Variants in ATE1 observed in about 807,000 individuals in gnomAD.
The protein encoded by ATE1 is arginyl-tRNA--protein transferase 1.
ATE1 carries 36 observed loss-of-function variants against 70.5 expected under a neutral mutation model. The ratio of observed to expected loss-of-function variants is 0.51; its 90% CI spans 0.39 to 0.67. ATE1 has a LOEUF of 0.67. Ranked by LOEUF, ATE1 falls within the 30% of genes least tolerant of loss-of-function variation. The pLI is 0.00. For missense variants in ATE1, 593 were observed against 629.5 expected, an observed-to-expected ratio of 0.94 and a Z score of 0.62; for synonymous variants, 232 against 219.3, an observed-to-expected ratio of 1.06 and a Z score of -0.51.
At chr10:121,845,827 T>C (rs1210594519) in intron 8 of ATE1, among the ~76,000 whole-genome samples, 1 of 152,204 alleles carries the variant, frequency 6.6e-6, no homozygotes, top group Non-Finnish European at 1.5e-5. Flanking sequence ...AACTCATGTT[T>C]AGCTTAGTAT....
chr10:121,850,529 A>T (rs1949014299), intron 8 of ATE1, among the ~76,000 whole-genome samples: 2 of 152,216 alleles, frequency 1.3e-5, no homozygotes, highest in Non-Finnish European at 2.9e-5. Flanking sequence ...AAAGGTAATC[A>T]TGTCTTGGTA....
chr10:121,890,835 C>A lies in ATE1; in HGVS notation c.942+9031G>T, dbSNP rs533306071. ...ACTGTATTATAAACGAGACAGGTCA[C>A]AAATTACTCCAATTTATATCACATT... On this transcript the variant is annotated intron_variant, in intron 7 of 11. Transcript: ENST00000224652. Among the ~76,000 whole-genome samples, 7 of 152,236 alleles carry A rather than the reference C, an allele frequency of 4.6e-5. No individual in the cohort carries two copies. In the South Asian group the frequency reaches 6.2e-4, roughly 14 times the overall value.
At chr10:121,870,792 T>C (rs1180435815) in intron 7 of ATE1, among the ~76,000 whole-genome samples, 1 of 152,218 alleles carries the variant, frequency 6.6e-6, no homozygotes, top group Non-Finnish European at 1.5e-5. Flanking sequence ...AGTATACCTC[T>C]GAAATGAGGA....
chr10:121,780,043 G>A (rs1394922991), intron 11 of ATE1, among the ~76,000 whole-genome samples: 3 of 152,138 alleles, frequency 2.0e-5, no homozygotes, highest in Non-Finnish European at 4.4e-5. Context: ...CACTCCAGAA[G>A]GCAATCTCAC....
rs898700319 is a variant in ATE1 at position 121,802,663 on chromosome 10, CT to C, written c.1258-12375del. ...AACTGCCTACTCTTACTTTACCAAG[CT>C]TTCCTTCGACTCTGCTTCACCTCAC... On this transcript the variant is annotated intron_variant, in intron 10 of 11. Coordinates refer to ENST00000224652, the MANE Select transcript of ATE1 (RefSeq NM_001001976.3). Among the ~76,000 whole-genome samples, 121 of 152,268 alleles carry C rather than the reference CT, an allele frequency of 7.9e-4. 1 individual carries two copies. Among genetic ancestry groups the C allele is most frequent in the African/African-American group, 2.8e-3 (116 of 41,562 alleles).
chr10:121,759,068 T>G (rs75662236), intron 11 of ATE1, among the ~76,000 whole-genome samples: 2,102 of 152,190 alleles, frequency 0.014, 45 homozygotes, highest in African/African-American at 0.048. Flanking sequence ...AGGCTAGAAA[T>G]GATTAAACAT....
rs1486994250 is a variant in ATE1 at position 121,742,336 on chromosome 10, A to G, written c.*1344T>C. 2 of 152,248 alleles carry G rather than the reference A, an allele frequency of 1.3e-5. No individual in the cohort carries two copies. Among genetic ancestry groups the G allele is most frequent in the Non-Finnish European group, 2.9e-5 (2 of 68,036 alleles). The allele number at this position is 152,248 out of a possible 1,614,324, so 9.4% of individuals were successfully genotyped here. ...TAGAGGAAAGTTTAAAATTAGCAACAGGATTCAAACTACCATGTTTTATAA... is the reference window on the plus strand; with the variant it reads ...TAGAGGAAAGTTTAAAATTAGCAACGGGATTCAAACTACCATGTTTTATAA... On this transcript the variant is annotated 3_prime_UTR_variant, in exon 12 of 12. Coordinates refer to ENST00000224652, the MANE Select transcript of ATE1 (RefSeq NM_001001976.3).
chr10:121,745,552 TAA>T (rs958400999), intron 11 of ATE1, among the ~76,000 whole-genome samples: 4 of 150,824 alleles, frequency 2.7e-5, no homozygotes, highest in African/African-American at 4.9e-5. Context: ...CCGTCTCTAC[TAA>T]AAAAAAACCA....
intron 5 of ATE1, among the ~76,000 whole-genome samples, chr10:121,910,238 G>A (rs1428503467): frequency 1.3e-5 from 2 of 151,984 alleles, no homozygotes; most frequent in Non-Finnish European, 2.9e-5. Flanking sequence ...TCTTTCCCTT[G>A]GATCATTTGG....
At chr10:121,758,825 T>C (rs948634522) in intron 11 of ATE1, among the ~76,000 whole-genome samples, 2 of 152,130 alleles carry the variant, frequency 1.3e-5, no homozygotes, top group African/African-American at 4.8e-5. Flanking sequence ...CAGTAATCAG[T>C]GATGTTAACT....
At chr10:121,784,655 C>T (rs1946134291) in intron 11 of ATE1, among the ~76,000 whole-genome samples, 4 of 152,164 alleles carry the variant, frequency 2.6e-5, no homozygotes, top group East Asian at 1.9e-4. Context: ...GTCAGGAGTT[C>T]GAGAACCAGC....
intron 10 of ATE1, among the ~76,000 whole-genome samples, chr10:121,799,552 T>G (rs911073613): frequency 3.3e-5 from 5 of 152,172 alleles, no homozygotes; most frequent in Non-Finnish European, 7.3e-5. Flanking sequence ...AAACAGGAGA[T>G]GAAATGAGAA....
intron 11 of ATE1, among the ~76,000 whole-genome samples, chr10:121,778,179 T>C (rs1346089846): frequency 2.6e-5 from 4 of 152,172 alleles, no homozygotes; most frequent in South Asian, 2.1e-4. Flanking sequence ...CACCCACAAA[T>C]TGGGAAACCT....
rs529009800 is a variant in ATE1, at chr10:121,877,703, A to C, written c.943-7665T>G. Among the ~76,000 whole-genome samples the C allele has an allele frequency of 1.6e-3, 237 of 152,322 alleles. 1 individual carries two copies. The highest frequency in any genetic ancestry group is 5.4e-3 in the African/African-American group (224 of 41,568). Reference sequence around the variant, plus strand: ...TCAGCAAATAGCAAATTAAAACCCCAATACAATACTACTATCCACTCACCA... The same window carrying C: ...TCAGCAAATAGCAAATTAAAACCCCCATACAATACTACTATCCACTCACCA... On this transcript the variant is annotated intron_variant, in intron 7 of 11. Transcript: ENST00000224652.
chr10:121,860,538 A>G (rs1362251752), intron 8 of ATE1, among the ~76,000 whole-genome samples: 1 of 152,240 alleles, frequency 6.6e-6, no homozygotes, highest in Non-Finnish European at 1.5e-5. Context: ...TTCACAACTT[A>G]ATACTAGAAG....
chr10:121,832,752 A>C (rs1398829260), intron 10 of ATE1, among the ~76,000 whole-genome samples: 1 of 152,222 alleles, frequency 6.6e-6, no homozygotes, highest in Admixed American at 6.5e-5. Flanking sequence ...CTTTATCAGC[A>C]GCGTGAAAAC....
At position 121,790,305 on chromosome 10, in the gene ATE1, G is replaced by A. The variant is rs1415959461; in HGVS notation, c.1258-16C>T. On this transcript the variant is annotated splice_polypyrimidine_tract_variant and intron_variant, in intron 10 of 11. Transcript: ENST00000224652. The stretch of plus-strand genomic sequence containing the variant: ...TATACTGACCCTGAAGAAAAGTGAA[G>A]GAAAAAGGCACAGGCATTATTAACA... 3.7e-6 allele frequency: 6 copies of A among 1,608,338 alleles called. No individual in the cohort carries two copies. The highest frequency in any genetic ancestry group is 2.7e-5 in the African/African-American group (2 of 74,580).
intron 7 of ATE1, among the ~76,000 whole-genome samples, chr10:121,888,723 G>A (rs1950486704): frequency 6.6e-6 from 1 of 152,078 alleles, no homozygotes; most frequent in Admixed American, 6.6e-5. Flanking sequence ...CTCATACCAG[G>A]AACTACTAAA....
chr10:121,794,567 T>C (rs1946577749), intron 10 of ATE1, among the ~76,000 whole-genome samples: 1 of 138,216 alleles, frequency 7.2e-6, no homozygotes, highest in African/African-American at 2.8e-5. Context: ...TCAGCAGTGA[T>C]TGTGTCACTG....
Sources: gnomAD v4.1 joint callset for allele counts (sites outside exome capture counted in the v4.1 genomes callset) on GRCh38, gnomAD v4.1.1 for gene constraint, MANE v1.5 for transcripts, NCBI Gene and HGNC (gene_info 2026-07-23, HGNC 2026-07-21) for gene names.